SGIP1: variants seen among roughly 807,000 people sequenced by gnomAD.
The protein encoded by SGIP1 is SH3GL interacting endocytic adaptor 1.
A neutral mutation model predicts 107.5 loss-of-function variants in SGIP1; 38 were observed. The observed-to-expected ratio is 0.35, with a 90% CI of 0.27 to 0.46. The LOEUF (loss-of-function observed/expected upper bound fraction) is 0.46. Among genes scored for constraint, SGIP1 ranks in the 20% least tolerant of loss-of-function variants. The probability of loss-of-function intolerance (pLI) is 1.00; values close to 1 mark genes in which losing one functional copy is unlikely to be tolerated. For missense variants in SGIP1, 929 were observed against 1,019.5 expected (o/e 0.91, Z 1.21); for synonymous variants, 365 against 366.1 (o/e 1.00, Z 0.03).
chr1:66,558,581 T>C (rs899010000), intron 1 of SGIP1, among the ~76,000 whole-genome samples: 9 of 152,038 alleles, frequency 5.9e-5, no homozygotes, highest in Non-Finnish European at 7.4e-5. Context: ...ATTGAGCACC[T>C]ACTATGTGCC....
At chr1:66,694,388 T>G in intron 17 of SGIP1, 2 of 1,505,966 alleles carry the variant, frequency 1.3e-6, no homozygotes, top group Non-Finnish European at 9.1e-7. Context: ...TCATTTGGGA[T>G]TTGTATTTGT....
At chr1:66,715,876 C>A (rs2093210121) in intron 18 of SGIP1, among the ~76,000 whole-genome samples, 1 of 152,082 alleles carries the variant, frequency 6.6e-6, no homozygotes, top group African/African-American at 2.4e-5. Context: ...AGTTCCAGTT[C>A]AGTACCTCAA....
At chr1:66,656,560 T>C (rs2079823504) in intron 7 of SGIP1, among the ~76,000 whole-genome samples, 1 of 152,316 alleles carries the variant, frequency 6.6e-6, no homozygotes, top group Non-Finnish European at 1.5e-5. Flanking sequence ...AACTCTGTCA[T>C]AATCTTATGG....
At chr1:66,655,551 G>A (rs1230311689) in intron 7 of SGIP1, among the ~76,000 whole-genome samples, 1 of 152,166 alleles carries the variant, frequency 6.6e-6, no homozygotes, top group Non-Finnish European at 1.5e-5. Flanking sequence ...ACAACACAGA[G>A]TGCACTTACA....
chr1:66,617,136 A>G (rs1185319628), intron 1 of SGIP1, among the ~76,000 whole-genome samples: 1 of 152,226 alleles, frequency 6.6e-6, no homozygotes, highest in African/African-American at 2.4e-5. Flanking sequence ...GACTTTGAAC[A>G]GTTCATTTTG....
At chr1:66,735,960 T>A (rs1248498188) in intron 21 of SGIP1, among the ~76,000 whole-genome samples, 1 of 151,688 alleles carries the variant, frequency 6.6e-6, no homozygotes, top group Non-Finnish European at 1.5e-5. Context: ...TTATTTTTCT[T>A]CAAATGAAGG....
intron 19 of SGIP1, among the ~76,000 whole-genome samples, chr1:66,728,229 G>A (rs1012946217): frequency 4.1e-4 from 63 of 152,082 alleles, no homozygotes; most frequent in Non-Finnish European, 1.6e-4. Context: ...CATGTTACTC[G>A]AAGAGCTAAG....
intron 1 of SGIP1, among the ~76,000 whole-genome samples, chr1:66,570,934 C>G (rs992174815): frequency 6.6e-6 from 1 of 151,978 alleles, no homozygotes; most frequent in African/African-American, 2.4e-5. Flanking sequence ...ACCAAAGTAG[C>G]TTGACCATAG....
At chr1:66,546,185 C>A (rs938422605) in intron 1 of SGIP1, among the ~76,000 whole-genome samples, 1 of 152,168 alleles carries the variant, frequency 6.6e-6, no homozygotes, top group Non-Finnish European at 1.5e-5. Flanking sequence ...GGATGCCAGG[C>A]AATACCCTGG....
At chr1:66,639,947 A>G (rs2076467069) in intron 5 of SGIP1, 114 bp downstream of exon 5, 2 of 804,166 alleles carry the variant, frequency 2.5e-6, no homozygotes, top group African/African-American at 3.5e-5. Flanking sequence ...TGTCATTAGG[A>G]AGTGTCTGGC....
chr1:66,643,448 A>T (rs2077126001), intron 6 of SGIP1, 96 bp from the exon 7 acceptor site: 1 of 966,674 alleles, frequency 1.0e-6, no homozygotes, highest in African/African-American at 1.7e-5. Flanking sequence ...CTGCCATCTA[A>T]GGATACTTTT....
intron 23 of SGIP1, among the ~76,000 whole-genome samples, chr1:66,741,070 T>A (rs2094433770): frequency 6.6e-6 from 1 of 152,172 alleles, no homozygotes; most frequent in Non-Finnish European, 1.5e-5. Flanking sequence ...GTCTTCAAAT[T>A]TTGAGGTACC....
At chr1:66,577,544 G>A (rs1426900025) in intron 1 of SGIP1, among the ~76,000 whole-genome samples, 1 of 152,092 alleles carries the variant, frequency 6.6e-6, no homozygotes, top group Non-Finnish European at 1.5e-5. Flanking sequence ...GAGGAAAGAG[G>A]TTCATGGGAC....
chr1:66,620,819 C>A (rs1157724542), intron 1 of SGIP1, among the ~76,000 whole-genome samples: 1 of 152,210 alleles, frequency 6.6e-6, no homozygotes, highest in Non-Finnish European at 1.5e-5. Context: ...AGGCAATGCA[C>A]GTTTTTCTGT....
At chr1:66,674,274 A>G (rs923972170) in intron 12 of SGIP1, among the ~76,000 whole-genome samples, 1 of 152,226 alleles carries the variant, frequency 6.6e-6, no homozygotes, top group Non-Finnish European at 1.5e-5. Context: ...AACATTTAAC[A>G]TTTTTAAATT....
At chr1:66,538,065 A>C (rs1463511435) in intron 1 of SGIP1, among the ~76,000 whole-genome samples, 3 of 152,190 alleles carry the variant, frequency 2.0e-5, no homozygotes, top group Non-Finnish European at 4.4e-5. Flanking sequence ...TTTATGTCCA[A>C]AATCATTATT....
chr1:66,664,960 T>C (rs2082229087), intron 8 of SGIP1, among the ~76,000 whole-genome samples: 1 of 149,498 alleles, frequency 6.7e-6, no homozygotes, highest in Non-Finnish European at 1.5e-5. Flanking sequence ...TGTTGTGCTT[T>C]TGTTGTTGTT....
At chr1:66,644,195 T>C (rs1277080452) in intron 7 of SGIP1, among the ~76,000 whole-genome samples, 1 of 152,170 alleles carries the variant, frequency 6.6e-6, no homozygotes, top group Non-Finnish European at 1.5e-5. Flanking sequence ...CAAATCATAG[T>C]CTAAATCAAA....
rs2094583755 is a variant in SGIP1, at chr1:66,748,535, G to A, written c.*5440G>A. On this transcript the variant is annotated 3_prime_UTR_variant, in exon 25 of 25. Transcript: ENST00000371037. ...CACCTATTTGTTGGCATTGACCATG[G>A]GTATAATAATTTATTCTCTAGGTTT... Among the ~76,000 whole-genome samples, 1 of 151,590 alleles carries A rather than the reference G, an allele frequency of 6.6e-6. No individual in the cohort carries two copies. The highest frequency in any genetic ancestry group is 2.4e-5 in the African/African-American group (1 of 41,326).
Sources: gnomAD v4.1 joint callset for allele counts (sites outside exome capture counted in the v4.1 genomes callset) on GRCh38, gnomAD v4.1.1 for gene constraint, MANE v1.5 for transcripts, NCBI Gene and HGNC (gene_info 2026-07-23, HGNC 2026-07-21) for gene names.